Variants in MAP3K4 observed in about 807,000 individuals in gnomAD.
The protein encoded by MAP3K4 is MAP three kinase 1.
In MAP3K4, 67 loss-of-function variants were observed where a neutral mutation model predicts 185.6. That is an observed-to-expected ratio of 0.36 (90% CI 0.30 to 0.44). The LOEUF (loss-of-function observed/expected upper bound fraction) is 0.44. MAP3K4 is among the 20% of genes least tolerant of loss of function. The probability of loss-of-function intolerance (pLI) is 1.00; values close to 1 mark genes in which losing one functional copy is unlikely to be tolerated. For missense variants in MAP3K4, 1,551 were observed against 1,995.1 expected (o/e 0.78, Z 4.24); for synonymous variants, 702 against 710.4 (o/e 0.99, Z 0.19).
chr6:161,086,390 T>A lies in MAP3K4; in HGVS notation c.2384T>A (p.Ile795Lys). ...SASDEIRRSVIEISRALKELF... is the reference protein window; with the variant it reads ...SASDEIRRSVKEISRALKELF... Reference sequence around the variant, plus strand: ...AATCCACTTGGCAGGAGGTCTGTTATAGAGATCAGTCGAGCCCTGAAGGAG... The same window carrying A: ...AATCCACTTGGCAGGAGGTCTGTTAAAGAGATCAGTCGAGCCCTGAAGGAG... Residue 795 changes from isoleucine (I) to lysine (K), a missense_variant, in exon 8 of 27, where the codon ATA (isoleucine) becomes AAA (lysine). Ile to Lys is a moderately radical substitution (Grantham distance 102). Coordinates refer to ENST00000392142, the MANE Select transcript of MAP3K4 (RefSeq NM_005922.4). This position sits in a 1 kb window ranked among gnomAD's most constrained non-coding sequence, Gnocchi z 4.8. 1.9e-6 allele frequency: 3 copies of A among 1,612,432 alleles called. No homozygotes were observed. The highest frequency in any genetic ancestry group is 2.2e-5 in the East Asian group (1 of 44,854).
intron 4 of MAP3K4, among the ~76,000 whole-genome samples, chr6:161,072,093 G>A (rs1354079154): frequency 1.3e-5 from 2 of 152,194 alleles, no homozygotes; most frequent in Non-Finnish European, 2.9e-5. Flanking sequence ...TCAAAGATCA[G>A]TTACAAGCAC....
chr6:161,098,573 T>C lies in MAP3K4; in HGVS notation c.3674+146T>C. ...ATGCTCTAGGGCCTTCCGCAGGTTG[T>C]CACGGCCCAGAGGCTCTGGCACTGA... On this transcript the variant is annotated intron_variant, in intron 17 of 26. Transcript: ENST00000392142. This position sits in a 1 kb window ranked among gnomAD's most constrained non-coding sequence, Gnocchi z 4.4. The C allele has an allele frequency of 1.1e-6, 1 of 926,094 alleles. No individual in the cohort carries two copies. Among genetic ancestry groups the C allele is most frequent in the Non-Finnish European group, 1.5e-6 (1 of 645,670 alleles). The allele number at this position is 926,094 out of a possible 1,614,324, so 57.4% of individuals were successfully genotyped here.
In MAP3K4 at chr6:161,074,616, C is replaced by T. The variant is rs1000812426; in HGVS notation, c.2097+1004C>T. The stretch of plus-strand genomic sequence containing the variant: ...GCCAAGGGCTATAACTTGAAATTCT[C>T]TTGTTTTCCATAGTATCTGATAGTG... On this transcript the variant is annotated intron_variant, in intron 5 of 26. Transcript: ENST00000392142. This position sits in a 1 kb window ranked among gnomAD's most constrained non-coding sequence, Gnocchi z 5.0. 2.6e-5 allele frequency among the ~76,000 whole-genome samples: 4 copies of T among 152,208 alleles called. No individual in the cohort carries two copies. The highest frequency in any genetic ancestry group is 5.9e-5 in the Non-Finnish European group (4 of 68,046).
At chr6:161,030,531 G>A (rs959655107) in intron 1 of MAP3K4, among the ~76,000 whole-genome samples, 2 of 151,800 alleles carry the variant, frequency 1.3e-5, no homozygotes, top group East Asian at 1.9e-4. Flanking sequence ...TCTCGCCTCC[G>A]TCTCCTTGAG....
At chr6:160,993,521 G>A (rs979743126) in intron 1 of MAP3K4, among the ~76,000 whole-genome samples, 1 of 152,118 alleles carries the variant, frequency 6.6e-6, no homozygotes, top group Non-Finnish European at 1.5e-5. Context: ...TAAGTATCTT[G>A]TCCAGGGTTT....
At position 161,098,457 on chromosome 6, in the gene MAP3K4, C is replaced by A; in HGVS notation, c.3674+30C>A. The stretch of plus-strand genomic sequence containing the variant: ...TCTCACCCCACCAGTGTCCCGTACC[C>A]TCACCACCCCTTACATGCGCTTACA... On this transcript the variant is annotated intron_variant, in intron 17 of 26. Coordinates refer to ENST00000392142, the MANE Select transcript of MAP3K4 (RefSeq NM_005922.4). The surrounding 1 kb of genome is among the most constrained non-coding windows in gnomAD (Gnocchi z 4.4). 1 of 1,595,302 alleles carries A rather than the reference C, an allele frequency of 6.3e-7. No homozygotes were observed. Among genetic ancestry groups the A allele is most frequent in the Non-Finnish European group, 8.6e-7 (1 of 1,168,130 alleles).
rs1429194182 is a variant in MAP3K4, at chr6:161,103,814, A to G, written c.3856+1035A>G. On this transcript the variant is annotated intron_variant, in intron 19 of 26. Coordinates refer to ENST00000392142, the MANE Select transcript of MAP3K4 (RefSeq NM_005922.4). This position sits in a 1 kb window ranked among gnomAD's most constrained non-coding sequence, Gnocchi z 4.6. ...ATGCCATTGCAGAAATTCAGTATAA[A>G]TAATACGATACTGGACTAATGTGGG... Among the ~76,000 whole-genome samples, 2 of 152,226 alleles carry G rather than the reference A, an allele frequency of 1.3e-5. No individual in the cohort carries two copies. Among genetic ancestry groups the G allele is most frequent in the East Asian group, 3.9e-4 (2 of 5,184 alleles).
In MAP3K4 at chr6:161,048,576, TAG is replaced by T. The variant is rs745577511; in HGVS notation, c.344-37_344-36del. On this transcript the variant is annotated intron_variant, in intron 2 of 26. Transcript: ENST00000392142. This position sits in a 1 kb window ranked among gnomAD's most constrained non-coding sequence, Gnocchi z 4.7. Reference sequence around the variant, plus strand: ...AAATATTGAGAGTAGCTTCATATTTTAGAGTTATATAATGTTCTGTTTATTTT... The same window carrying T: ...AAATATTGAGAGTAGCTTCATATTTTAGTTATATAATGTTCTGTTTATTTT... The T allele has an allele frequency of 1.5e-6, 2 of 1,311,324 alleles. No homozygotes were observed. Among genetic ancestry groups the T allele is most frequent in the African/African-American group, 1.5e-5 (1 of 66,450 alleles). The allele number at this position is 1,311,324 out of a possible 1,614,324, so 81.2% of individuals were successfully genotyped here.
At chr6:161,030,580 A>AT (rs1782878163) in intron 1 of MAP3K4, among the ~76,000 whole-genome samples, 2 of 151,784 alleles carry the variant, frequency 1.3e-5, no homozygotes, top group South Asian at 2.1e-4. Flanking sequence ...CACCTGGTTA[A>AT]TTTTTTGTAT....
At chr6:161,012,139 G>A (rs529054553) in intron 1 of MAP3K4, among the ~76,000 whole-genome samples, 1 of 152,302 alleles carries the variant, frequency 6.6e-6, no homozygotes, top group African/African-American at 2.4e-5. Context: ...AGCTAAGTGT[G>A]AGGCTGCTTT....
At chr6:161,004,911 C>G (rs1583095588) in intron 1 of MAP3K4, among the ~76,000 whole-genome samples, 2 of 152,052 alleles carry the variant, frequency 1.3e-5, no homozygotes, top group East Asian at 3.9e-4. Flanking sequence ...AAGAGCAAAC[C>G]AGTAATCTGA....
rs1785063593 is a variant in MAP3K4, at chr6:161,074,031, A to G, written c.2097+419A>G. Among the ~76,000 whole-genome samples, 1 of 152,220 alleles carries G rather than the reference A, an allele frequency of 6.6e-6. No homozygotes were observed. Among genetic ancestry groups the G allele is most frequent in the South Asian group, 2.1e-4 (1 of 4,834 alleles). ...GTCATCAGCCATTTTTATAATACCT[A>G]GGATGTGCTAGGGACCTTGCATGGC... On this transcript the variant is annotated intron_variant, in intron 5 of 26. Transcript: ENST00000392142. This position sits in a 1 kb window ranked among gnomAD's most constrained non-coding sequence, Gnocchi z 5.0.
At chr6:161,050,215 C>T (rs911880470) in intron 3 of MAP3K4, among the ~76,000 whole-genome samples, 1 of 152,018 alleles carries the variant, frequency 6.6e-6, no homozygotes, top group Non-Finnish European at 1.5e-5. Context: ...AGTTCAACCA[C>T]GTAAATACAG....
chr6:161,000,373 C>G (rs11966350), intron 1 of MAP3K4, among the ~76,000 whole-genome samples: 3,293 of 152,222 alleles, frequency 0.022, 127 homozygotes, highest in African/African-American at 0.076. Context: ...TATTTGTCTA[C>G]TAAATGATCA....
rs770721838 is a variant in MAP3K4 at position 161,073,597 on chromosome 6, A to G, written c.2082A>G (p.Leu694=). Residue 694 remains leucine (L), a synonymous_variant, in exon 5 of 27, where the codon CTA becomes CTG. Transcript: ENST00000392142. The surrounding 1 kb of genome is among the most constrained non-coding windows in gnomAD (Gnocchi z 4.2). ...DCNIDAFEED[L]HKMLMVYFDY... ...ACATTGACGCTTTTGAAGAGGATCTACATAAAATGCTTATGGTCAGAAGCA... is the reference window on the plus strand; with the variant it reads ...ACATTGACGCTTTTGAAGAGGATCTGCATAAAATGCTTATGGTCAGAAGCA... The G allele has an allele frequency of 1.2e-5, 19 of 1,613,184 alleles. No individual in the cohort carries two copies. Among genetic ancestry groups the G allele is most frequent in the Middle Eastern group, 1.6e-4 (1 of 6,066 alleles).
rs1783826874 is a variant in MAP3K4 at position 161,048,228 on chromosome 6, A to G, written c.344-388A>G. The stretch of plus-strand genomic sequence containing the variant: ...AGCTAATGACAAATGCAGGAATTAA[A>G]TATATTTTCTCATCCAGGTGTCCGT... On this transcript the variant is annotated intron_variant, in intron 2 of 26. Transcript: ENST00000392142. This position sits in a 1 kb window ranked among gnomAD's most constrained non-coding sequence, Gnocchi z 4.7. The G allele has an allele frequency of 1.9e-6, 1 of 534,824 alleles. No homozygotes were observed. The allele number at this position is 534,824 out of a possible 1,614,324, so 33.1% of individuals were successfully genotyped here. A position where few individuals can be genotyped will look rare whatever the true frequency, so the allele number is the denominator to read the frequency against.
intron 19 of MAP3K4, among the ~76,000 whole-genome samples, chr6:161,105,551 C>G (rs1165604453): frequency 6.6e-6 from 1 of 152,316 alleles, no homozygotes; most frequent in South Asian, 2.1e-4. Context: ...AGGGAAAATC[C>G]TTCTCATCAG....
intron 1 of MAP3K4, among the ~76,000 whole-genome samples, chr6:161,005,710 T>G (rs1781553139): frequency 2.6e-5 from 4 of 152,206 alleles, no homozygotes; most frequent in Admixed American, 2.6e-4. Context: ...TGTATAAGTT[T>G]AGGAAGAACA....
At chr6:161,078,870 G>A (rs2114835365) in intron 5 of MAP3K4, among the ~76,000 whole-genome samples, 1 of 152,302 alleles carries the variant, frequency 6.6e-6, no homozygotes, top group African/African-American at 2.4e-5. Context: ...AAGGGGTAGG[G>A]TCTTTTGTTT....
Sources: allele counts gnomAD v4.1 joint callset (sites outside exome capture counted in the v4.1 genomes callset), GRCh38; gene constraint gnomAD v4.1.1; non-coding constraint Gnocchi (gnomAD v3.1); transcripts MANE v1.5; gene names NCBI Gene and HGNC (gene_info 2026-07-23, HGNC 2026-07-21).